The following RBFOX1 variants were observed in gnomAD, a reference collection of about 807,000 sequenced individuals.
RBFOX1 encodes the protein RNA binding protein fox-1 homolog 1.
Under a neutral mutation model 57.7 loss-of-function variants are expected in RBFOX1, and 8 were observed. That is an observed-to-expected ratio of 0.14 (90% CI 0.08 to 0.25). The LOEUF is 0.25. Ranked by LOEUF, RBFOX1 falls within the 10% of genes least tolerant of loss-of-function variation. The pLI, the probability that RBFOX1 is intolerant of heterozygous loss-of-function variation, is 1.00. For missense variants in RBFOX1, 611 were observed against 548.5 expected (o/e 1.11, Z -1.14); for synonymous variants, 326 against 222.4 (o/e 1.47, Z -4.15).
intron 2 of RBFOX1, among the ~76,000 whole-genome samples, chr16:6,388,611 C>T (rs181290480): frequency 7.2e-5 from 11 of 152,092 alleles, no homozygotes; most frequent in Non-Finnish European, 1.2e-4. Context: ...ACAGTGGTTC[C>T]CACCAGTAAC....
intron 3 of RBFOX1, among the ~76,000 whole-genome samples, chr16:6,963,774 C>T (rs919559388): frequency 3.9e-5 from 6 of 152,036 alleles, no homozygotes; most frequent in Non-Finnish European, 8.8e-5. Context: ...TCTCGGCTCA[C>T]TGCAAGCTCC....
intron 3 of RBFOX1, among the ~76,000 whole-genome samples, chr16:6,924,022 T>G (rs1463096799): frequency 6.6e-6 from 1 of 151,468 alleles, no homozygotes; most frequent in African/African-American, 2.4e-5. Context: ...ATACAAACAT[T>G]AGTCAGGTAT....
At chr16:6,360,884 G>A (rs1013916249) in intron 2 of RBFOX1, among the ~76,000 whole-genome samples, 2 of 152,076 alleles carry the variant, frequency 1.3e-5, no homozygotes, top group Admixed American at 6.5e-5. Flanking sequence ...GAGACCCTGA[G>A]TTTCTTGACA....
chr16:6,779,532 C>A (rs969620584), intron 3 of RBFOX1, among the ~76,000 whole-genome samples: 8 of 150,550 alleles, frequency 5.3e-5, no homozygotes, highest in Non-Finnish European at 1.0e-4. Context: ...AATATATACC[C>A]AACAGTGAGA....
chr16:6,633,645 G>A (rs1880873486), intron 2 of RBFOX1, among the ~76,000 whole-genome samples: 2 of 152,088 alleles, frequency 1.3e-5, no homozygotes, highest in Non-Finnish European at 2.9e-5. Context: ...GCTAAAGGAA[G>A]TCAAGTAGTT....
chr16:5,909,563 G>A (rs147225496), intron 4 of RBFOX1, among the ~76,000 whole-genome samples: 122 of 152,296 alleles, frequency 8.0e-4, no homozygotes, highest in Non-Finnish European at 1.4e-3. Flanking sequence ...CACAGCAACA[G>A]TTGATCCATG....
chr16:7,233,254 G>T (rs1256296186), intron 4 of RBFOX1, among the ~76,000 whole-genome samples: 2 of 144,070 alleles, frequency 1.4e-5, no homozygotes, highest in African/African-American at 5.1e-5. Flanking sequence ...CATTGACTTT[G>T]ACTGTTTCTA....
At chr16:6,251,075 A>G (rs1018908884) in intron 1 of RBFOX1, among the ~76,000 whole-genome samples, 1 of 152,128 alleles carries the variant, frequency 6.6e-6, no homozygotes, top group African/African-American at 2.4e-5. Flanking sequence ...GTACCACTTA[A>G]TGAGAGCTTG....
At chr16:6,308,173 T>G (rs1354333993) in intron 1 of RBFOX1, among the ~76,000 whole-genome samples, 5 of 152,064 alleles carry the variant, frequency 3.3e-5, no homozygotes, top group Admixed American at 2.0e-4. Flanking sequence ...TTACATACTT[T>G]TATAAATTAT....
At chr16:6,942,129 C>G (rs867226254) in intron 3 of RBFOX1, among the ~76,000 whole-genome samples, 1 of 152,148 alleles carries the variant, frequency 6.6e-6, no homozygotes, top group Non-Finnish European at 1.5e-5. Flanking sequence ...ATCCCAGCTA[C>G]TTGGGAGGCT....
chr16:5,349,865 GTC>G (rs2065224385), intron 1 of RBFOX1, among the ~76,000 whole-genome samples: 1 of 152,210 alleles, frequency 6.6e-6, no homozygotes, highest in African/African-American at 2.4e-5. Flanking sequence ...CTGCTGAGCA[GTC>G]TCTCTCCCTG....
intron 1 of RBFOX1, among the ~76,000 whole-genome samples, chr16:6,191,482 A>G (rs191133093): frequency 3.9e-5 from 6 of 152,242 alleles, no homozygotes; most frequent in African/African-American, 1.4e-4. Context: ...ATGATAAGTG[A>G]TGTTTACCAT....
At chr16:6,714,213 C>T (rs927592156) in intron 3 of RBFOX1, among the ~76,000 whole-genome samples, 5 of 152,164 alleles carry the variant, frequency 3.3e-5, no homozygotes, top group African/African-American at 1.2e-4. Context: ...TTGTAGGTTT[C>T]CTGAGGCCTC....
intron 4 of RBFOX1, among the ~76,000 whole-genome samples, chr16:7,111,339 C>A (rs748219613): frequency 6.6e-6 from 1 of 152,158 alleles, no homozygotes; most frequent in African/African-American, 2.4e-5. Context: ...ACTTTGCAGA[C>A]GGAGCTGAGC....
chr16:6,437,751 A>G (rs2094276898), intron 2 of RBFOX1, among the ~76,000 whole-genome samples: 1 of 152,204 alleles, frequency 6.6e-6, no homozygotes, highest in African/African-American at 2.4e-5. Flanking sequence ...TGGTGGCAGG[A>G]GAGAGAGTGA....
chr16:7,223,481 A>G (rs946034643), intron 4 of RBFOX1, among the ~76,000 whole-genome samples: 1 of 152,202 alleles, frequency 6.6e-6, no homozygotes, highest in Non-Finnish European at 1.5e-5. Flanking sequence ...GAATGATAGA[A>G]TATTATAGGT....
intron 7 of RBFOX1, among the ~76,000 whole-genome samples, chr16:7,589,858 T>A (rs2094341684): frequency 6.6e-6 from 1 of 151,434 alleles, no homozygotes; most frequent in Non-Finnish European, 1.5e-5. Flanking sequence ...TGCCTTTCAT[T>A]CTCTAGAGCA....
At chr16:6,493,707 G>T (rs758079693) in intron 2 of RBFOX1, among the ~76,000 whole-genome samples, 1 of 152,110 alleles carries the variant, frequency 6.6e-6, no homozygotes, top group Non-Finnish European at 1.5e-5. Flanking sequence ...TTCATACCTT[G>T]GGAGATTCAG....
At chr16:7,440,899 C>T (rs1282172423) in intron 4 of RBFOX1, among the ~76,000 whole-genome samples, 2 of 152,134 alleles carry the variant, frequency 1.3e-5, no homozygotes, top group Non-Finnish European at 2.9e-5. Flanking sequence ...ATTAGCCTGG[C>T]ATGGTTGTGC....
Sources: gnomAD v4.1 joint callset for allele counts (sites outside exome capture counted in the v4.1 genomes callset) on GRCh38, gnomAD v4.1.1 for gene constraint, MANE v1.5 for transcripts, NCBI Gene and HGNC (gene_info 2026-07-23, HGNC 2026-07-21) for gene names.